Variants in RET observed in about 807,000 individuals in gnomAD.
RET encodes the protein ret proto-oncogene, also known as proto-oncogene tyrosine-protein kinase receptor Ret.
In RET, 19 loss-of-function variants were observed where a neutral mutation model predicts 118.3. The observed-to-expected ratio is 0.16, with a 90% CI of 0.11 to 0.24. The LOEUF is 0.24. RET is among the 10% of genes least tolerant of loss of function. The pLI is 1.00. For synonymous variants in RET, 597 were observed against 644.1 expected (o/e 0.93, Z 1.11); for missense variants, 1,219 against 1,502.1 (o/e 0.81, Z 3.12).
chr10:43,122,646 C>T (rs972416010), intron 16 of RET, among the ~76,000 whole-genome samples: 2 of 152,204 alleles, frequency 1.3e-5, no homozygotes, highest in Admixed American at 6.6e-5. Flanking sequence ...CTCACTCTGT[C>T]ACCCAGGTTG....
At position 43,105,044 on chromosome 10, in the gene RET, G is replaced by A. The variant is rs375120544; in HGVS notation, c.718G>A (p.Val240Met). ...CGAGCAGCGGGAGAAGTACGAGCTG[G>A]TGGCCGTGTGCACCGTGCACGCCGG... ...DREQREKYEL[V>M]AVCTVHAGAR... The change falls in exon 4 of 20, where the codon GTG becomes ATG. Residue 240 changes from valine (V) to methionine (M), a missense_variant. Around this residue, in one of 5 missense-constraint regions of RET, gnomAD observed 850 missense variants for 969.6 expected, o/e 0.88. Transcript: ENST00000355710. 2 of 1,607,388 alleles carry A rather than the reference G, an allele frequency of 1.2e-6. No individual in the cohort carries two copies. Among genetic ancestry groups the A allele is most frequent in the South Asian group, 2.2e-5 (2 of 90,840 alleles).
chr10:43,113,094 C>T, intron 9 of RET, 131 bp downstream of exon 9: 1 of 776,402 alleles, frequency 1.3e-6, no homozygotes, highest in South Asian at 1.5e-5. Flanking sequence ...CTGTGCATTT[C>T]AGCATCACCC....
At chr10:43,103,606 A>G (rs1837691070) in intron 3 of RET, among the ~76,000 whole-genome samples, 1 of 152,192 alleles carries the variant, frequency 6.6e-6, no homozygotes. Flanking sequence ...TAACTTTATC[A>G]CACAAACATG....
chr10:43,089,150 A>T (rs1047211553), intron 1 of RET, among the ~76,000 whole-genome samples: 4 of 152,180 alleles, frequency 2.6e-5, no homozygotes, highest in African/African-American at 9.7e-5. Context: ...CCCTTTAAAC[A>T]GGTCAGGCAG....
Position 43,106,896 on chromosome 10 carries a change from C to T in RET, c.1063+325C>T, listed in dbSNP as rs1179066092. Among the ~76,000 whole-genome samples the T allele has an allele frequency of 6.6e-6, 1 of 152,240 alleles. No homozygotes were observed. Among genetic ancestry groups the T allele is most frequent in the Non-Finnish European group, 1.5e-5 (1 of 68,044 alleles). ...ATGTCACCTGAGGCTTTCCTCCAGC[C>T]CCTGGCACTCCATCGTTGCCCCTAA... On this transcript the variant is annotated intron_variant, in intron 5 of 19. Coordinates refer to ENST00000355710, the MANE Select transcript of RET (RefSeq NM_020975.6). The surrounding 1 kb of genome is among the most constrained non-coding windows in gnomAD (Gnocchi z 5.1).
Position 43,106,426 on chromosome 10 carries a change from A to G in RET, c.918A>G (p.Ala306=), listed in dbSNP as rs1060504034. 33 of 1,613,398 alleles carry G rather than the reference A, an allele frequency of 2.0e-5. No homozygotes were observed. Among genetic ancestry groups the G allele is most frequent in the Non-Finnish European group, 2.6e-5 (31 of 1,179,892 alleles). The part of the protein sequence containing the change: ...LRVFDADVVP[A]SGELVRRYTS... The stretch of plus-strand genomic sequence containing the variant: ...TCTTCGATGCAGACGTGGTACCTGC[A>G]TCAGGGGAGCTGGTGAGGCGGTACA... Residue 306 remains alanine, a synonymous_variant, in exon 5 of 20, where the codon GCA becomes GCG. Transcript: ENST00000355710. This position sits in a 1 kb window ranked among gnomAD's most constrained non-coding sequence, Gnocchi z 5.1.
rs377767428 is a variant in RET at position 43,120,120 on chromosome 10, G to A, written c.2647G>A (p.Ala883Thr). The change falls in exon 15 of 20, where the codon GCT becomes ACT. Residue 883 changes from alanine to threonine, a missense_variant. Physicochemically the swap from Ala to Thr is moderately conservative, Grantham distance 58 (BLOSUM62 0). Coordinates refer to ENST00000355710, the MANE Select transcript of RET (RefSeq NM_020975.6). Reference protein sequence around the residue: ...RDLAARNILVAEGRKMKISDF... With the variant: ...RDLAARNILVTEGRKMKISDF... The stretch of plus-strand genomic sequence containing the variant: ...CTTGGCAGCCAGAAACATCCTGGTA[G>A]CTGAGGGGCGGAAGATGAAGATTTC... The A allele has an allele frequency of 6.2e-7, 1 of 1,614,056 alleles. No homozygotes were observed. Among genetic ancestry groups the A allele is most frequent in the East Asian group, 2.2e-5 (1 of 44,878 alleles).
At chr10:43,111,936 C>G (rs1837943476) in intron 7 of RET, among the ~76,000 whole-genome samples, 163 bp from the exon 8 acceptor site, 1 of 152,256 alleles carries the variant, frequency 6.6e-6, no homozygotes, top group African/African-American at 2.4e-5. Context: ...TGCCCTGCGC[C>G]CTGTGCTCCT....
At chr10:43,127,189 G>C in intron 19 of RET, 1 of 1,088,748 alleles carries the variant, frequency 9.2e-7, no homozygotes, top group African/African-American at 1.6e-5. Context: ...GCAGGCAGGT[G>C]CCTCTCAGAG....
intron 8 of RET, 90 bp downstream of exon 8, chr10:43,112,314 C>G (rs3026751): frequency 4.0e-6 from 6 of 1,486,238 alleles, no homozygotes; most frequent in Non-Finnish European, 5.5e-6. Context: ...TGGGGTGGCT[C>G]TCCCTGCTCC....
chr10:43,112,753 C>A, intron 8 of RET, 100 bp from the exon 9 acceptor site: 1 of 892,602 alleles, frequency 1.1e-6, no homozygotes, highest in Non-Finnish European at 1.8e-6. Flanking sequence ...CTCAGGCCTC[C>A]AGTTGCTCCT....
At chr10:43,094,849 C>T (rs1458973663) in intron 1 of RET, among the ~76,000 whole-genome samples, 4 of 152,208 alleles carry the variant, frequency 2.6e-5, no homozygotes, top group African/African-American at 9.7e-5. Context: ...AAGTGTATAA[C>T]AGTGTGTGCC....
chr10:43,100,327 G>T (rs1381473309), intron 1 of RET, 132 bp from the exon 2 acceptor site: 3 of 1,033,074 alleles, frequency 2.9e-6, no homozygotes, highest in East Asian at 2.5e-5. Flanking sequence ...ATAATTGAGT[G>T]TTCATGTTCT....
intron 16 of RET, among the ~76,000 whole-genome samples, chr10:43,123,074 G>A (rs1329106585): frequency 6.6e-6 from 1 of 152,202 alleles, no homozygotes; most frequent in East Asian, 1.9e-4. Flanking sequence ...CTGCCCTCTG[G>A]TGTGCTCCGT....
chr10:43,128,747 G>C lies in RET; in HGVS notation c.*478G>C. On this transcript the variant is annotated 3_prime_UTR_variant, in exon 20 of 20. Coordinates refer to ENST00000355710, the MANE Select transcript of RET (RefSeq NM_020975.6). The stretch of plus-strand genomic sequence containing the variant: ...GGCCCTGATGACCTGTCCTTATTCA[G>C]AATGAGAGACTGCGGGGGGGGCCTG... The C allele has an allele frequency of 3.2e-6, 1 of 309,304 alleles. No homozygotes were observed. The highest frequency in any genetic ancestry group is 6.1e-6 in the Non-Finnish European group (1 of 163,570). The allele number at this position is 309,304 out of a possible 1,614,324, so 19.2% of individuals were successfully genotyped here.
intron 1 of RET, among the ~76,000 whole-genome samples, chr10:43,078,502 GAC>G (rs1277578140): frequency 1.3e-5 from 2 of 152,380 alleles, no homozygotes; most frequent in East Asian, 3.9e-4. Flanking sequence ...CCTAGCGAGG[GAC>G]AGGGGAGAAG....
chr10:43,113,520 G>A (rs528636467), intron 9 of RET, 36 bp from the exon 10 acceptor site: 98 of 1,579,272 alleles, frequency 6.2e-5, no homozygotes, highest in East Asian at 1.1e-4. Flanking sequence ...GTGGTCAGGC[G>A]CCCCAGGAGG....
At chr10:43,125,651 G>T (rs1838313081) in intron 18 of RET, among the ~76,000 whole-genome samples, 1 of 152,216 alleles carries the variant, frequency 6.6e-6, no homozygotes, top group African/African-American at 2.4e-5. Flanking sequence ...TCAGGCAGCT[G>T]CTAGGACCCA....
intron 13 of RET, among the ~76,000 whole-genome samples, chr10:43,118,705 C>A (rs1838133150): frequency 6.6e-6 from 1 of 152,252 alleles, no homozygotes; most frequent in Non-Finnish European, 1.5e-5. Flanking sequence ...TAGCGGCACT[C>A]CCTGGGCCCA....
Sources: gnomAD v4.1 joint callset for allele counts (sites outside exome capture counted in the v4.1 genomes callset) on GRCh38, gnomAD v4.1.1 for gene constraint, gnomAD v4.1.1 regional missense constraint, Gnocchi (gnomAD v3.1) non-coding constraint, MANE v1.5 for transcripts, NCBI Gene and HGNC (gene_info 2026-07-23, HGNC 2026-07-21) for gene names.